The following FAM53C variants were observed in gnomAD, a reference collection of about 807,000 sequenced individuals.
FAM53C encodes protein FAM53C.
FAM53C carries 10 observed loss-of-function variants against 34.7 expected under a neutral mutation model. That is an observed-to-expected ratio of 0.29 (90% CI 0.18 to 0.49). FAM53C has a LOEUF of 0.49. FAM53C is among the 20% of genes least tolerant of loss of function. FAM53C has a pLI of 0.99. For missense variants in FAM53C, 442 were observed against 515.3 expected, an observed-to-expected ratio of 0.86 and a Z score of 1.38; for synonymous variants, 203 against 203.6, an observed-to-expected ratio of 1.00 and a Z score of 0.03.
At chr5:138,340,403 C>G (rs539057931) in intron 1 of FAM53C, among the ~76,000 whole-genome samples, 9 of 152,326 alleles carry the variant, frequency 5.9e-5, no homozygotes, top group Non-Finnish European at 1.0e-4. Context: ...CCCCTTTTCC[C>G]TTGAGCAAGG....
At chr5:138,342,748 G>A in intron 3 of FAM53C, 1 of 151,698 alleles carries the variant, frequency 6.6e-6, no homozygotes, top group Non-Finnish European at 1.5e-5. Flanking sequence ...AAAAATTGCT[G>A]GGCACAGTGG....
At position 138,346,713 on chromosome 5, in the gene FAM53C, A is replaced by C. The variant is rs1282842175; in HGVS notation, c.933A>C (p.Ser311=). Reference sequence around the variant, plus strand: ...TGTTTGTTTGACAGAAACCATACTCAGGAGGTCTTTGTCTCCAAGAAACAG... The same window carrying C: ...TGTTTGTTTGACAGAAACCATACTCCGGAGGTCTTTGTCTCCAAGAAACAG... The part of the protein sequence containing the change: ...DFDKMNQKPY[S]GGLCLQETAR... The change falls in exon 5 of 5, where the codon TCA becomes TCC. Residue 311 remains serine (S), a synonymous_variant. Coordinates refer to ENST00000239906, the MANE Select transcript of FAM53C (RefSeq NM_016605.3). The C allele has an allele frequency of 2.5e-6, 4 of 1,614,150 alleles. No individual in the cohort carries two copies. The highest frequency in any genetic ancestry group is 3.4e-6 in the Non-Finnish European group (4 of 1,180,042).
At chr5:138,341,061 T>C (rs1302550808) in intron 1 of FAM53C, 123 bp from the exon 2 acceptor site, 1 of 525,594 alleles carries the variant, frequency 1.9e-6, no homozygotes, top group Non-Finnish European at 3.6e-6. Context: ...GAAAGAGCTG[T>C]GATCAATTGA....
At chr5:138,338,265 C>T (rs79586488), upstream of FAM53C, 3 of 1,012,062 alleles carry the variant, frequency 3.0e-6, no homozygotes, top group African/African-American at 3.3e-5. Context: ...ACCGAGCGCT[C>T]AGAGCTGCTC....
At chr5:138,341,152 T>G in intron 1 of FAM53C, 32 bp from the exon 2 acceptor site, 1 of 715,296 alleles carries the variant, frequency 1.4e-6, no homozygotes, top group South Asian at 1.4e-5. Context: ...GCATCTCTAA[T>G]ATCACTTGGG....
At chr5:138,346,289 A>G (rs899690151) in intron 4 of FAM53C, among the ~76,000 whole-genome samples, 27 of 152,330 alleles carry the variant, frequency 1.8e-4, no homozygotes, top group African/African-American at 4.3e-4. Flanking sequence ...CGGAGCTTCT[A>G]TTCTTCAATT....
chr5:138,340,450 C>T (rs750437948), intron 1 of FAM53C, among the ~76,000 whole-genome samples: 2 of 152,202 alleles, frequency 1.3e-5, no homozygotes, highest in Non-Finnish European at 2.9e-5. Context: ...AGCCTGTTAT[C>T]TGATACAGTT....
Position 138,347,034 on chromosome 5 carries a change from C to CT in FAM53C, c.*76dup. The CT allele has an allele frequency of 6.3e-7, 1 of 1,586,270 alleles. No homozygotes were observed. The highest frequency in any genetic ancestry group is 8.6e-7 in the Non-Finnish European group (1 of 1,167,420). Reference sequence around the variant, plus strand: ...ACTAACAAGTGTCGAGTCCCCAAGGCTGGGGGCCGAGCCTGGGAATGGGGG... The same window carrying CT: ...ACTAACAAGTGTCGAGTCCCCAAGGCTTGGGGGCCGAGCCTGGGAATGGGGG... On this transcript the variant is annotated 3_prime_UTR_variant, in exon 5 of 5. Transcript: ENST00000239906.
chr5:138,343,580 G>A (rs993405372), intron 3 of FAM53C: 3 of 151,664 alleles, frequency 2.0e-5, no homozygotes, highest in Admixed American at 6.6e-5. Flanking sequence ...TTTTTCACAT[G>A]TGAAAATATA....
upstream of FAM53C, chr5:138,337,969 G>A (rs752688748): frequency 5.4e-6 from 7 of 1,289,514 alleles, no homozygotes; most frequent in South Asian, 8.6e-5. Context: ...CTTCCGACAT[G>A]GCCTCCCCCG....
At chr5:138,341,455 C>G (rs200416985) in intron 2 of FAM53C, 42 bp downstream of exon 2, 132 of 1,522,184 alleles carry the variant, frequency 8.7e-5, no homozygotes, top group East Asian at 1.3e-4. Context: ...CCCCCTCCCC[C>G]TTTTTTCTGA....
Position 138,346,739 on chromosome 5 carries a change from C to T in FAM53C, c.959C>T (p.Ala320Val), listed in dbSNP as rs768093171. 9.3e-6 allele frequency: 15 copies of T among 1,614,058 alleles called. No homozygotes were observed. Among genetic ancestry groups the T allele is most frequent in the Middle Eastern group, 3.3e-4 (2 of 6,040 alleles). The change falls in exon 5 of 5, where the codon GCC becomes GTC. Residue 320 changes from alanine (A) to valine (V), a missense_variant. Ala to Val is a moderately conservative substitution (Grantham distance 64). Transcript: ENST00000239906. ...YSGGLCLQET[A>V]REGSSISPPW... ...GGAGGTCTTTGTCTCCAAGAAACAG[C>T]CCGGGAAGGCAGCAGCATCTCTCCA... is the stretch of plus-strand genomic sequence containing the variant.
rs1471503865 is a variant in FAM53C, at chr5:138,348,276, A to G, written c.*1317A>G. 3.9e-5 allele frequency: 6 copies of G among 152,616 alleles called. No homozygotes were observed. The highest frequency in any genetic ancestry group is 5.9e-5 in the Non-Finnish European group (4 of 68,090). The allele number at this position is 152,616 out of a possible 1,614,324, so 9.5% of individuals were successfully genotyped here. ...CAGTTGGGAGTTTGGTTGTCATTGG[A>G]TTGAATTTACTTTTTTGTTTCTCAC... On this transcript the variant is annotated 3_prime_UTR_variant, in exon 5 of 5. Coordinates refer to ENST00000239906, the MANE Select transcript of FAM53C (RefSeq NM_016605.3).
Position 138,347,028 on chromosome 5 carries a change from C to A in FAM53C, c.*69C>A. 1 of 1,596,386 alleles carries A rather than the reference C, an allele frequency of 6.3e-7. No individual in the cohort carries two copies. The highest frequency in any genetic ancestry group is 8.5e-7 in the Non-Finnish European group (1 of 1,173,034). The stretch of plus-strand genomic sequence containing the variant: ...ATGGCTACTAACAAGTGTCGAGTCC[C>A]CAAGGCTGGGGGCCGAGCCTGGGAA... On this transcript the variant is annotated 3_prime_UTR_variant, in exon 5 of 5. Transcript: ENST00000239906.
chr5:138,347,046 C>G lies in FAM53C; in HGVS notation c.*87C>G. On this transcript the variant is annotated 3_prime_UTR_variant, in exon 5 of 5. Coordinates refer to ENST00000239906, the MANE Select transcript of FAM53C (RefSeq NM_016605.3). ...CGAGTCCCCAAGGCTGGGGGCCGAG[C>G]CTGGGAATGGGGGTGAGTGGAGGGC... The G allele has an allele frequency of 1.9e-6, 3 of 1,565,362 alleles. No individual in the cohort carries two copies. Among genetic ancestry groups the G allele is most frequent in the Non-Finnish European group, 1.7e-6 (2 of 1,154,470 alleles).
chr5:138,337,700 C>T (rs995030662), upstream of FAM53C: 1 of 332,452 alleles, frequency 3.0e-6, no homozygotes, highest in Non-Finnish European at 5.8e-6. Flanking sequence ...GCCGATCCGG[C>T]AGCTGCAAGA....
intron 3 of FAM53C, 64 bp from the exon 4 acceptor site, chr5:138,344,761 A>C: frequency 1.4e-6 from 2 of 1,417,046 alleles, no homozygotes; most frequent in Non-Finnish European, 1.9e-6. Context: ...TTATGTGGCA[A>C]ATGGTAAGTT....
In FAM53C at chr5:138,344,896, C is replaced by A. The variant is rs140113568; in HGVS notation, c.208C>A (p.His70Asn). Residue 70 changes from histidine (H) to asparagine (N), a missense_variant, in exon 4 of 5, where the codon CAT becomes AAT. Coordinates refer to ENST00000239906, the MANE Select transcript of FAM53C (RefSeq NM_016605.3). The part of the protein sequence containing the change: ...EFQDSLNFSY[H>N]PSGLSLHLRP... ...CCAGGACAGCCTCAACTTCAGCTAC[C>A]ATCCCTCAGGCCTGAGCCTGCACCT... The A allele has an allele frequency of 1.3e-5, 21 of 1,612,680 alleles. No individual in the cohort carries two copies. In the African/African-American group the frequency reaches 1.5e-4, roughly 11 times the overall value.
chr5:138,345,641 G>A lies in FAM53C; in HGVS notation c.921+32G>A. ...CCAGCAAGACTAGGGGAGCTTAGAT[G>A]GGAGTGTGGGGACTGTTCTGTTTCC... is the stretch of plus-strand genomic sequence containing the variant. On this transcript the variant is annotated intron_variant, in intron 4 of 4. Transcript: ENST00000239906. This position sits in a 1 kb window ranked among gnomAD's most constrained non-coding sequence, Gnocchi z 6.3. 6.3e-7 allele frequency: 1 copy of A among 1,584,808 alleles called. No individual in the cohort carries two copies. Among genetic ancestry groups the A allele is most frequent in the Non-Finnish European group, 8.6e-7 (1 of 1,164,112 alleles).
Sources: allele counts gnomAD v4.1 joint callset (sites outside exome capture counted in the v4.1 genomes callset), GRCh38; gene constraint gnomAD v4.1.1; non-coding constraint Gnocchi (gnomAD v3.1); transcripts MANE v1.5; gene names NCBI Gene and HGNC (gene_info 2026-07-23, HGNC 2026-07-21).